The following NAA15 variants were observed in gnomAD, a reference collection of about 807,000 sequenced individuals.
NAA15 encodes N-terminal acetyltransferase.
A neutral mutation model predicts 114.0 loss-of-function variants in NAA15; 34 were observed. The ratio of observed to expected loss-of-function variants is 0.30; its 90% CI spans 0.23 to 0.40. NAA15 has a LOEUF of 0.40. NAA15 is among the 10% of genes least tolerant of loss of function. The pLI is 1.00. For synonymous variants in NAA15, 340 were observed against 338.0 expected (o/e 1.01, Z -0.06); for missense variants, 658 against 1,004.5 (o/e 0.66, Z 4.66).
At chr4:139,347,096 A>G (rs1747610022) in intron 6 of NAA15, among the ~76,000 whole-genome samples, 1 of 150,708 alleles carries the variant, frequency 6.6e-6, no homozygotes, top group African/African-American at 2.4e-5. Context: ...AGTGTTTTTG[A>G]TGAAGTTGGC....
At chr4:139,376,314 A>G (rs1382245391) in intron 15 of NAA15, 51 bp from the exon 16 acceptor site, 5 of 1,133,834 alleles carry the variant, frequency 4.4e-6, no homozygotes, top group Non-Finnish European at 5.1e-6. Context: ...ATAAAATCAC[A>G]TTCCCCAAGA....
At chr4:139,344,130 T>C (rs1380533928) in intron 5 of NAA15, 56 bp from the exon 6 acceptor site, 5 of 1,437,264 alleles carry the variant, frequency 3.5e-6, no homozygotes, top group Non-Finnish European at 4.7e-6. Context: ...TTGTGAACAA[T>C]TTTCTGATAT....
At chr4:139,344,942 G>A (rs1193833245) in intron 6 of NAA15, among the ~76,000 whole-genome samples, 2 of 152,160 alleles carry the variant, frequency 1.3e-5, no homozygotes, top group Non-Finnish European at 2.9e-5. Flanking sequence ...AGTCTTAACA[G>A]TTTTAGAAGT....
intron 7 of NAA15, among the ~76,000 whole-genome samples, chr4:139,350,649 C>T (rs1333629959): frequency 6.6e-6 from 1 of 152,128 alleles, no homozygotes; most frequent in Non-Finnish European, 1.5e-5. Flanking sequence ...GATTCTCAGA[C>T]TGATTTAGGA....
intron 15 of NAA15, among the ~76,000 whole-genome samples, chr4:139,375,080 TGGCA>T (rs1205381015): frequency 4.6e-5 from 7 of 152,296 alleles, no homozygotes; most frequent in African/African-American, 1.7e-4. Context: ...TACAGCTAGG[TGGCA>T]GGTTTGGTTT....
intron 6 of NAA15, 26 bp from the exon 7 acceptor site, chr4:139,349,435 AT>A (rs11297960): frequency 0.026 from 27,771 of 1,059,384 alleles, 973 homozygotes; most frequent in African/African-American, 0.2. Flanking sequence ...AGATATTAAA[AT>A]TTTTTTTTTT....
In NAA15 at chr4:139,354,023, T is replaced by C; in HGVS notation, c.1015-3T>C. On this transcript the variant is annotated splice_region_variant and splice_polypyrimidine_tract_variant and intron_variant, in intron 9 of 19. Transcript: ENST00000296543. Reference sequence around the variant, plus strand: ...AAAGTGTGTTTGTGTGTTTGTACTCTAGGTGGCAATCATAGAAGAGTTAGT... The same window carrying C: ...AAAGTGTGTTTGTGTGTTTGTACTCCAGGTGGCAATCATAGAAGAGTTAGT... 1 of 1,611,396 alleles carries C rather than the reference T, an allele frequency of 6.2e-7. No homozygotes were observed. The highest frequency in any genetic ancestry group is 1.1e-5 in the South Asian group (1 of 90,576).
In NAA15 at chr4:139,372,874, CTTGCT is replaced by C. The variant is rs538696470; in HGVS notation, c.1947+2474_1947+2478del. ...GACAAATGCATGCTTGGGTGATTTT[CTTGCT>C]TTGTTTTGTTTTTTTGTTTTCTTTT... On this transcript the variant is annotated intron_variant, in intron 15 of 19. Transcript: ENST00000296543. 1.8e-4 allele frequency among the ~76,000 whole-genome samples: 27 copies of C among 151,826 alleles called. No individual in the cohort carries two copies. In the South Asian group the frequency reaches 5.6e-3, roughly 32 times the overall value.
intron 1 of NAA15, among the ~76,000 whole-genome samples, chr4:139,311,967 T>G (rs1746240866): frequency 6.7e-6 from 1 of 150,160 alleles, no homozygotes. Flanking sequence ...CTCTATCTCT[T>G]TAAAAAAAAA....
At chr4:139,349,414 A>G in intron 6 of NAA15, 48 bp from the exon 7 acceptor site, 2 of 1,449,906 alleles carry the variant, frequency 1.4e-6, no homozygotes, top group Non-Finnish European at 1.8e-6. Context: ...TTCTAATTGG[A>G]AGGTTTTCTC....
rs2122593 is a variant in NAA15, at chr4:139,344,477, A to G, written c.691+138A>G. On this transcript the variant is annotated intron_variant, in intron 6 of 19. Coordinates refer to ENST00000296543, the MANE Select transcript of NAA15 (RefSeq NM_057175.5). The stretch of plus-strand genomic sequence containing the variant: ...ATCTATTTCTTACTCGTGTACTTTT[A>G]ATAGTTTATGATGTGGGAAAATGTA... 0.21 allele frequency: 131,004 copies of G among 627,016 alleles called. 15,736 individuals are homozygous for G. The highest frequency in any genetic ancestry group is 0.4 in the South Asian group (15,786 of 39,508). 38.8% of individuals were successfully genotyped at this position (627,016 alleles called of 1,614,324 possible).
At position 139,331,651 on chromosome 4, in the gene NAA15, G is replaced by T. The variant is rs533649265; in HGVS notation, c.55-2523G>T. ...TTTTTTTTTTTGTATTTTTAGTAGA[G>T]AAAGAGTTTCACCACGTTGGTCAGG... On this transcript the variant is annotated intron_variant, in intron 1 of 19. Transcript: ENST00000296543. Among the ~76,000 whole-genome samples the T allele has an allele frequency of 3.4e-3, 482 of 143,266 alleles. 4 individuals are homozygous for T. Among genetic ancestry groups the T allele is most frequent in the African/African-American group, 0.012 (462 of 38,610 alleles). 94.0% of individuals were successfully genotyped at this position (143,266 alleles called of 152,430 possible).
intron 14 of NAA15, among the ~76,000 whole-genome samples, chr4:139,363,401 C>G: frequency 6.6e-6 from 1 of 152,158 alleles, no homozygotes; most frequent in Non-Finnish European, 1.5e-5. Flanking sequence ...TTCCAGAGTT[C>G]TATGTGTACA....
chr4:139,367,981 TAGACTTCTATGAATA>T (rs566414218), intron 14 of NAA15, among the ~76,000 whole-genome samples: 1,791 of 152,274 alleles, frequency 0.012, 12 homozygotes, highest in East Asian at 0.029. Context: ...CCTCAAAGTC[TAGACTTCTATGAATA>T]GTCCAAGGCT....
chr4:139,360,745 C>A (rs71606838), intron 13 of NAA15, 117 bp downstream of exon 13: 9,461 of 903,670 alleles, frequency 0.01, 65 homozygotes, highest in Middle Eastern at 0.015. Context: ...TTTTTAAAAT[C>A]AGTATTCACT....
At chr4:139,366,125 C>A (rs1174473538) in intron 14 of NAA15, among the ~76,000 whole-genome samples, 1 of 151,708 alleles carries the variant, frequency 6.6e-6, no homozygotes, top group Non-Finnish European at 1.5e-5. Flanking sequence ...TTATCTATTG[C>A]TGCATCATAA....
At chr4:139,347,792 G>A (rs1747633912) in intron 6 of NAA15, among the ~76,000 whole-genome samples, 1 of 152,008 alleles carries the variant, frequency 6.6e-6, no homozygotes, top group Admixed American at 6.5e-5. Flanking sequence ...CAGCACTTTG[G>A]GAGGCCGAGG....
At chr4:139,317,631 C>T (rs1746456667) in intron 1 of NAA15, among the ~76,000 whole-genome samples, 1 of 152,092 alleles carries the variant, frequency 6.6e-6, no homozygotes, top group Non-Finnish European at 1.5e-5. Context: ...GAAAAAACAA[C>T]AAAACAAACC....
intron 16 of NAA15, among the ~76,000 whole-genome samples, chr4:139,378,111 A>G (rs1748640493): frequency 6.6e-6 from 1 of 152,156 alleles, no homozygotes; most frequent in African/African-American, 2.4e-5. Context: ...ACATTGGGAA[A>G]ATGGTACCAA....
Sources: allele counts gnomAD v4.1 joint callset (sites outside exome capture counted in the v4.1 genomes callset), GRCh38; gene constraint gnomAD v4.1.1; transcripts MANE v1.5; gene names NCBI Gene and HGNC (gene_info 2026-07-23, HGNC 2026-07-21).